Variants in TPM1 observed in about 807,000 individuals in gnomAD.
TPM1 encodes tropomyosin 1.
Under a neutral mutation model 42.9 loss-of-function variants are expected in TPM1, and 24 were observed. That is an observed-to-expected ratio of 0.56 (90% CI 0.41 to 0.79). The LOEUF is 0.79. Ranked by LOEUF, TPM1 falls within the 30% of genes least tolerant of loss-of-function variation. The pLI is 0.00. For synonymous variants in TPM1, 136 were observed against 130.1 expected (o/e 1.05, Z -0.31); for missense variants, 158 against 351.8 (o/e 0.45, Z 4.41).
downstream of TPM1, among the ~76,000 whole-genome samples, chr15:63,066,884 A>G (rs1211361429): frequency 2.6e-5 from 3 of 113,508 alleles, no homozygotes; most frequent in Non-Finnish European, 3.6e-5. Context: ...AAATATAGCA[A>G]TGAAAGTTTC....
intron 9 of TPM1, chr15:63,064,406 A>C: frequency 7.6e-7 from 1 of 1,308,062 alleles, no homozygotes; most frequent in Non-Finnish European, 9.8e-7. Context: ...AGAATGAGTG[A>C]CCTTGAGCAC....
chr15:63,058,678 C>T (rs2035155625), intron 3 of TPM1, among the ~76,000 whole-genome samples: 2 of 152,148 alleles, frequency 1.3e-5, no homozygotes, highest in Admixed American at 1.3e-4. Flanking sequence ...CACCGCACTC[C>T]AACCTGGGTG....
chr15:63,048,548 CCCTCCCGCCCG>C, intron 2 of TPM1: 2 of 1,516,924 alleles, frequency 1.3e-6, no homozygotes, highest in South Asian at 1.2e-5. Context: ...CCCACTGCAG[CCCTCCCGCCCG>C]CCTACCGTCC....
chr15:63,061,902 G>A (rs931181964), intron 6 of TPM1, 114 bp downstream of exon 6: 81 of 944,098 alleles, frequency 8.6e-5, no homozygotes, highest in South Asian at 6.9e-4. Flanking sequence ...AATATTGTGA[G>A]GTGATTTTTG....
At chr15:63,056,847 G>T in intron 2 of TPM1, 138 bp from the exon 3 acceptor site, 1 of 1,113,074 alleles carries the variant, frequency 9.0e-7, no homozygotes, top group Non-Finnish European at 1.4e-6. Flanking sequence ...AGTTGATGAG[G>T]GCTTGTAATG....
chr15:63,048,789 C>A (rs748450744), intron 2 of TPM1: 97 of 1,490,058 alleles, frequency 6.5e-5, no homozygotes, highest in Non-Finnish European at 8.0e-5. Flanking sequence ...TGCTTCCCCC[C>A]CCGCAGGCCC....
chr15:63,048,116 GA>G lies in TPM1; in HGVS notation c.240+3965del, dbSNP rs201173447. The G allele has an allele frequency of 8.8e-3, 3,706 of 422,742 alleles. 24 individuals carry two copies. Among genetic ancestry groups the G allele is most frequent in the South Asian group, 0.012 (724 of 60,996 alleles). The allele number at this position is 422,742 out of a possible 1,614,324, so 26.2% of individuals were successfully genotyped here. ...CCCGGGCATGGGAATCTGGACTCGGGAGCGGAGCGCTCCCGCGGCCAGCAGG... is the reference window on the plus strand; with the variant it reads ...CCCGGGCATGGGAATCTGGACTCGGGGCGGAGCGCTCCCGCGGCCAGCAGG... On this transcript the variant is annotated intron_variant, in intron 2 of 9. Coordinates refer to ENST00000403994, the MANE Select transcript of TPM1 (RefSeq NM_001018005.2).
At chr15:63,064,928 C>A (rs921256432) in intron 9 of TPM1, 7 of 915,060 alleles carry the variant, frequency 7.6e-6, no homozygotes, top group Non-Finnish European at 9.1e-6. Context: ...GATCGCACCA[C>A]CGCACTCCAG....
intron 5 of TPM1, chr15:63,061,323 T>G (rs1395570410): frequency 1.9e-6 from 3 of 1,581,074 alleles, no homozygotes; most frequent in South Asian, 2.2e-5. Context: ...CCAGACATCT[T>G]TCAGCTTCCA....
intron 2 of TPM1, among the ~76,000 whole-genome samples, chr15:63,053,416 T>A (rs2034249986): frequency 6.6e-6 from 1 of 152,052 alleles, no homozygotes; most frequent in South Asian, 2.1e-4. Context: ...AGAAGTGACA[T>A]AGTGGAGAGC....
At chr15:63,053,673 A>ATTTT (rs397853689) in intron 2 of TPM1, among the ~76,000 whole-genome samples, 26 of 75,108 alleles carry the variant, frequency 3.5e-4, no homozygotes, top group African/African-American at 8.1e-4. Flanking sequence ...TGGAAGTTTG[A>ATTTT]TTTTTTTTTT....
chr15:63,064,171 C>T (rs766479784), intron 9 of TPM1, 29 bp downstream of exon 9: 3 of 1,609,024 alleles, frequency 1.9e-6, no homozygotes, highest in East Asian at 4.5e-5. Context: ...TGCCTGCTTA[C>T]ACCCTGCCCT....
At chr15:63,067,782 G>GTA (rs2036364825), downstream of TPM1, among the ~76,000 whole-genome samples, 8 of 152,310 alleles carry the variant, frequency 5.3e-5, no homozygotes, top group South Asian at 1.0e-3. Context: ...CAGCTGCTCT[G>GTA]GTGGGCCAAA....
chr15:63,048,727 C>T, intron 2 of TPM1: 1 of 1,530,818 alleles, frequency 6.5e-7, no homozygotes, highest in Non-Finnish European at 8.8e-7. Flanking sequence ...ACACCCATCA[C>T]CCCGCAGCCC....
At chr15:63,058,361 G>C (rs1362957225) in intron 3 of TPM1, among the ~76,000 whole-genome samples, 2 of 152,158 alleles carry the variant, frequency 1.3e-5, no homozygotes, top group African/African-American at 4.8e-5. Context: ...CATATTTGTG[G>C]CTAAGCCAAG....
chr15:63,048,599 G>A (rs768857765), intron 2 of TPM1: 2 of 1,532,156 alleles, frequency 1.3e-6, no homozygotes, highest in African/African-American at 2.8e-5. Flanking sequence ...GCTCGCTGGA[G>A]GCGGTGCGCA....
intron 2 of TPM1, among the ~76,000 whole-genome samples, chr15:63,054,788 G>C (rs76367701): frequency 0.012 from 1,866 of 152,286 alleles, 47 homozygotes; most frequent in African/African-American, 0.041. Context: ...ACATAACCTA[G>C]ACACTCTATG....
intron 4 of TPM1, chr15:63,060,051 C>G: frequency 3.3e-6 from 1 of 300,608 alleles, no homozygotes; most frequent in Non-Finnish European, 6.6e-6. Flanking sequence ...CTGGCACATC[C>G]AGATTGGGCA....
At chr15:63,064,316 T>A in intron 9 of TPM1, 174 bp downstream of exon 9, 1 of 1,508,294 alleles carries the variant, frequency 6.6e-7, no homozygotes, top group Non-Finnish European at 8.8e-7. Context: ...TAAAGGCCAA[T>A]TAGATTAAGT....
Sources: allele counts gnomAD v4.1 joint callset (sites outside exome capture counted in the v4.1 genomes callset), GRCh38; gene constraint gnomAD v4.1.1; transcripts MANE v1.5; gene names NCBI Gene and HGNC (gene_info 2026-07-23, HGNC 2026-07-21).